MYOF: variants seen among roughly 807,000 people sequenced by gnomAD.
The protein encoded by MYOF is fer-1-like 3, myoferlin.
Under a neutral mutation model 284.2 loss-of-function variants are expected in MYOF, and 244 were observed. That is an observed-to-expected ratio of 0.86 (90% confidence interval 0.77 to 0.95). The LOEUF is 0.95. Among genes scored for constraint, MYOF ranks in the 40% least tolerant of loss-of-function variants. MYOF has a pLI of 0.00. For missense variants in MYOF, 2,496 were observed against 2,560.6 expected, an observed-to-expected ratio of 0.97 and a Z score of 0.54; for synonymous variants, 904 against 919.7, an observed-to-expected ratio of 0.98 and a Z score of 0.31.
intron 23 of MYOF, among the ~76,000 whole-genome samples, chr10:93,374,169 T>C (rs937091646): frequency 2.6e-5 from 4 of 152,234 alleles, no homozygotes; most frequent in Non-Finnish European, 5.9e-5. Flanking sequence ...CCTTCATCCA[T>C]GTCCCTGCAA....
intron 22 of MYOF, among the ~76,000 whole-genome samples, chr10:93,377,095 G>A (rs1387115506): frequency 6.6e-6 from 1 of 152,110 alleles, no homozygotes; most frequent in Non-Finnish European, 1.5e-5. Context: ...TGGGAGTGGG[G>A]CCTCAGCCTC....
At chr10:93,479,550 C>T (rs1369529566) in intron 1 of MYOF, among the ~76,000 whole-genome samples, 17 of 152,150 alleles carry the variant, frequency 1.1e-4, no homozygotes, top group Non-Finnish European at 2.4e-4. Flanking sequence ...CCCTCCAGCA[C>T]CTAAGGCAAT....
chr10:93,329,951 T>G, intron 43 of MYOF, 117 bp from the exon 44 acceptor site: 1 of 1,043,638 alleles, frequency 9.6e-7, no homozygotes, highest in South Asian at 1.5e-5. Flanking sequence ...GGAGGACATC[T>G]GAGCAGGATA....
chr10:93,453,214 A>G (rs1589594211), intron 2 of MYOF, among the ~76,000 whole-genome samples: 1 of 151,866 alleles, frequency 6.6e-6, no homozygotes, highest in African/African-American at 2.4e-5. Flanking sequence ...TGCCCAGGCT[A>G]GAGTGCAGTG....
At chr10:93,438,392 G>C (rs1036074509) in intron 3 of MYOF, among the ~76,000 whole-genome samples, 1 of 152,094 alleles carries the variant, frequency 6.6e-6, no homozygotes, top group Non-Finnish European at 1.5e-5. Flanking sequence ...GCAGCAGCTC[G>C]TATCACAGGA....
At chr10:93,446,199 T>TAAA (rs1219700134) in intron 3 of MYOF, among the ~76,000 whole-genome samples, 7,251 of 152,052 alleles carry the variant, frequency 0.048, 563 homozygotes, top group African/African-American at 0.16. Context: ...TGACGCAGGG[T>TAAA]CGGCCTTCCA....
Position 93,402,264 on chromosome 10 carries a change from T to C in MYOF, c.958A>G (p.Met320Val). Residue 320 changes from methionine to valine, a missense_variant, in exon 11 of 54, where the codon ATG (methionine) becomes GTG (valine). Physicochemically the swap from Met to Val is conservative, Grantham distance 21 (BLOSUM62 1). Transcript: ENST00000359263. ...SGSKGYMKVS[M>V]FVLGTGDEPP... ...TCATCTCCGGTTCCCAGGACAAACA[T>C]GCTGACTTTCATATAACCTTTAGAA... is the stretch of plus-strand genomic sequence containing the variant. 6.2e-7 allele frequency: 1 copy of C among 1,614,124 alleles called. No homozygotes were observed. Among genetic ancestry groups the C allele is most frequent in the Non-Finnish European group, 8.5e-7 (1 of 1,180,008 alleles).
Position 93,351,761 on chromosome 10 carries a change from T to G in MYOF, c.3567A>C (p.Thr1189=). The G allele has an allele frequency of 6.2e-7, 1 of 1,601,100 alleles. No homozygotes were observed. The highest frequency in any genetic ancestry group is 8.5e-7 in the Non-Finnish European group (1 of 1,177,042). Residue 1189 remains threonine, a synonymous_variant, in exon 33 of 54, where the codon ACA becomes ACC. Coordinates refer to ENST00000359263, the MANE Select transcript of MYOF (RefSeq NM_013451.4). ...HSTLNPTWDQ[T]IIFDEVEIYG... The stretch of plus-strand genomic sequence containing the variant: ...AGATTTCAACTTCATCGAATATAAT[T>G]GTTTGGTCCCACGTGGGATTCAGGG...
intron 50 of MYOF, among the ~76,000 whole-genome samples, chr10:93,315,977 A>G (rs1338512728): frequency 6.6e-6 from 1 of 151,808 alleles, no homozygotes; most frequent in Non-Finnish European, 1.5e-5. Flanking sequence ...AAAAAAAAAA[A>G]AAATTAGCCA....
intron 39 of MYOF, 61 bp from the exon 40 acceptor site, chr10:93,337,974 G>A: frequency 1.7e-6 from 2 of 1,199,434 alleles, no homozygotes; most frequent in Non-Finnish European, 2.5e-6. Context: ...ATCGATGCAG[G>A]AAAATGCATT....
At chr10:93,462,738 C>CAA (rs199830883) in intron 1 of MYOF, among the ~76,000 whole-genome samples, 16 of 116,844 alleles carry the variant, frequency 1.4e-4, no homozygotes, top group East Asian at 1.3e-3. Flanking sequence ...ACACATCAGG[C>CAA]AAAAAAAAAA....
intron 36 of MYOF, 134 bp from the exon 37 acceptor site, chr10:93,347,916 G>T: frequency 2.3e-6 from 2 of 884,916 alleles, no homozygotes; most frequent in Non-Finnish European, 3.3e-6. Flanking sequence ...AGTTACTCAT[G>T]TGCCAGGCAA....
chr10:93,457,782 G>A (rs1343776938), intron 1 of MYOF, among the ~76,000 whole-genome samples: 1 of 147,210 alleles, frequency 6.8e-6, no homozygotes, highest in African/African-American at 2.5e-5. Flanking sequence ...CGCCCAGGCT[G>A]GAGTATAGTG....
At chr10:93,470,519 G>A (rs911368910) in intron 1 of MYOF, among the ~76,000 whole-genome samples, 2 of 151,898 alleles carry the variant, frequency 1.3e-5, no homozygotes, top group African/African-American at 4.8e-5. Context: ...TCCTGCCTCA[G>A]CCTCCCAAGT....
At chr10:93,481,404 T>C (rs932421640) in intron 1 of MYOF, among the ~76,000 whole-genome samples, 1 of 152,092 alleles carries the variant, frequency 6.6e-6, no homozygotes, top group African/African-American at 2.4e-5. Flanking sequence ...TAAACCCTTC[T>C]CGCCTGTTTT....
intron 16 of MYOF, among the ~76,000 whole-genome samples, chr10:93,393,406 G>T (rs1422253703): frequency 6.6e-6 from 1 of 152,150 alleles, no homozygotes; most frequent in Non-Finnish European, 1.5e-5. Context: ...TTGTTTCTTT[G>T]TCGGGGGGAG....
intron 1 of MYOF, among the ~76,000 whole-genome samples, chr10:93,465,781 C>T (rs11187439): frequency 2.5e-4 from 38 of 152,174 alleles, no homozygotes; most frequent in Admixed American, 1.5e-3. Flanking sequence ...TCCCAAAGTG[C>T]TGGGATTACA....
chr10:93,360,755 A>C (rs148432822), intron 28 of MYOF, among the ~76,000 whole-genome samples: 1 of 152,338 alleles, frequency 6.6e-6, no homozygotes, highest in Admixed American at 6.5e-5. Context: ...CTTTAAGGGT[A>C]GTTTACAGTT....
intron 16 of MYOF, among the ~76,000 whole-genome samples, chr10:93,395,382 G>T (rs1846951080): frequency 6.6e-6 from 1 of 152,236 alleles, no homozygotes; most frequent in South Asian, 2.1e-4. Flanking sequence ...GGCAGACGTT[G>T]CAGCGAGCTG....
Sources: allele counts gnomAD v4.1 joint callset (sites outside exome capture counted in the v4.1 genomes callset), GRCh38; gene constraint gnomAD v4.1.1; transcripts MANE v1.5; gene names NCBI Gene and HGNC (gene_info 2026-07-23, HGNC 2026-07-21).